Variants in CLVS1 observed in about 807,000 individuals in gnomAD.
CLVS1 encodes the protein clavesin 1, also known as clavesin-1.
In CLVS1, 10 loss-of-function variants were observed where a neutral mutation model predicts 33.1. The observed-to-expected ratio is 0.30, with a 90% CI of 0.19 to 0.51. The LOEUF (loss-of-function observed/expected upper bound fraction) is 0.51, where lower values mean the gene tolerates loss of function less well. Among genes scored for constraint, CLVS1 ranks in the 20% least tolerant of loss-of-function variants. CLVS1 has a pLI of 0.97. For synonymous variants in CLVS1, 163 were observed against 166.1 expected (o/e 0.98, Z 0.14); for missense variants, 343 against 433.4 (o/e 0.79, Z 1.85).
At chr8:61,035,776 G>A in the CLVS1 span, among the ~76,000 whole-genome samples, 1 of 152,126 alleles carries the variant, frequency 6.6e-6, no homozygotes, top group Non-Finnish European at 1.5e-5. Context: ...AAGTGCTAGT[G>A]AATGTAAATC....
chr8:61,171,762 A>T (rs1022955117), intron 2 of CLVS1, among the ~76,000 whole-genome samples: 2 of 152,228 alleles, frequency 1.3e-5, no homozygotes, highest in Non-Finnish European at 2.9e-5. Context: ...AGCTAAGTAT[A>T]TCCACATTAA....
intron 1 of CLVS1, among the ~76,000 whole-genome samples, chr8:61,293,844 T>C (rs1810089668): frequency 6.6e-6 from 1 of 152,122 alleles, no homozygotes; most frequent in African/African-American, 2.4e-5. Context: ...ATCCTTTTCT[T>C]ATGAAAGAAA....
At chr8:61,400,588 A>G (rs1250387655) in intron 3 of CLVS1, among the ~76,000 whole-genome samples, 4 of 152,172 alleles carry the variant, frequency 2.6e-5, no homozygotes, top group Admixed American at 6.5e-5. Flanking sequence ...GAGTGATGAG[A>G]GAGTGCATCC....
At chr8:61,166,843 G>A (rs1012540797) in intron 2 of CLVS1, among the ~76,000 whole-genome samples, 11 of 149,672 alleles carry the variant, frequency 7.3e-5, no homozygotes, top group African/African-American at 1.5e-4. Context: ...GTCAAAAGTC[G>A]CCTAATTAAA....
At chr8:61,083,950 A>C (rs1421817542) in intron 1 of CLVS1, among the ~76,000 whole-genome samples, 1 of 152,320 alleles carries the variant, frequency 6.6e-6, no homozygotes, top group South Asian at 2.1e-4. Flanking sequence ...TAATGATAAA[A>C]ATAACATCTT....
intron 3 of CLVS1, among the ~76,000 whole-genome samples, chr8:61,390,709 A>G (rs1269827770): frequency 6.6e-6 from 1 of 152,026 alleles, no homozygotes; most frequent in Non-Finnish European, 1.5e-5. Flanking sequence ...ATTGCCTGTT[A>G]ATGTACTTTA....
the CLVS1 span, among the ~76,000 whole-genome samples, chr8:60,988,685 T>A: frequency 6.6e-6 from 1 of 152,186 alleles, no homozygotes; most frequent in Admixed American, 6.5e-5. Flanking sequence ...TCCAACTACT[T>A]AAGAAGGAAT....
At chr8:61,474,727 C>A (rs1817850039) in intron 5 of CLVS1, among the ~76,000 whole-genome samples, 2 of 152,320 alleles carry the variant, frequency 1.3e-5, no homozygotes, top group East Asian at 1.9e-4. Flanking sequence ...AATCAGGCAC[C>A]TGTGCATGTG....
intron 2 of CLVS1, among the ~76,000 whole-genome samples, chr8:61,192,499 G>A (rs1807508819): frequency 6.6e-6 from 1 of 152,148 alleles, no homozygotes; most frequent in Non-Finnish European, 1.5e-5. Flanking sequence ...AAAAGCAATG[G>A]CAACAAAAGC....
chr8:61,095,086 TTAAG>T (rs1184655635), intron 1 of CLVS1, among the ~76,000 whole-genome samples: 4 of 152,358 alleles, frequency 2.6e-5, no homozygotes, highest in Admixed American at 1.3e-4. Context: ...TAAATACTGA[TTAAG>T]TCTCTATCTC....
chr8:61,052,983 T>C (rs1245427040), upstream of CLVS1, among the ~76,000 whole-genome samples: 1 of 152,182 alleles, frequency 6.6e-6, no homozygotes, highest in Non-Finnish European at 1.5e-5. Flanking sequence ...GGACTCTAGA[T>C]GTAAACGTGG....
intron 1 of CLVS1, among the ~76,000 whole-genome samples, chr8:61,097,928 A>G (rs552665972): frequency 3.3e-5 from 5 of 152,180 alleles, no homozygotes; most frequent in Non-Finnish European, 5.9e-5. Context: ...TTCTTCCAGA[A>G]AGGCTATTTT....
chr8:61,033,718 G>A, the CLVS1 span, among the ~76,000 whole-genome samples: 1 of 152,184 alleles, frequency 6.6e-6, no homozygotes, highest in South Asian at 2.1e-4. Context: ...GCCTTTAGAG[G>A]GGTCTGTGTC....
chr8:60,992,613 G>C, the CLVS1 span, among the ~76,000 whole-genome samples: 1 of 152,202 alleles, frequency 6.6e-6, no homozygotes, highest in Non-Finnish European at 1.5e-5. Context: ...CTAGGATAGG[G>C]GTTCTTAGAG....
At chr8:61,031,893 C>T in the CLVS1 span, among the ~76,000 whole-genome samples, 2,363 of 152,096 alleles carry the variant, frequency 0.016, 31 homozygotes, top group Non-Finnish European at 0.024. Flanking sequence ...GAAGTTACAA[C>T]ATTAAGATTT....
At chr8:61,066,820 T>C (rs1804690356) in intron 1 of CLVS1, among the ~76,000 whole-genome samples, 1 of 152,238 alleles carries the variant, frequency 6.6e-6, no homozygotes, top group Non-Finnish European at 1.5e-5. Flanking sequence ...ATCTGTGTGT[T>C]GTTCCTGCCA....
rs1484911937 is a variant in CLVS1 at position 61,138,876 on chromosome 8, G to A, written c.-152+7016G>A. On this transcript the variant is annotated intron_variant, in intron 2 of 2. Transcript: ENST00000522621. ...AGGTCTGGCCTTTGTACTACCAGGT[G>A]TTGGCTCGCTCTTTCCCGATTGTAA... Among the ~76,000 whole-genome samples, 5 of 152,236 alleles carry A rather than the reference G, an allele frequency of 3.3e-5. No individual in the cohort carries two copies. In the East Asian group the frequency reaches 9.6e-4, roughly 29 times the overall value.
chr8:61,055,707 T>C (rs1202470811), upstream of CLVS1, among the ~76,000 whole-genome samples: 1 of 152,248 alleles, frequency 6.6e-6, no homozygotes, highest in Non-Finnish European at 1.5e-5. Context: ...GTTGTGTTTT[T>C]AGACTCATGA....
At chr8:61,123,275 AAT>A in intron 1 of CLVS1, among the ~76,000 whole-genome samples, 1 of 119,978 alleles carries the variant, frequency 8.3e-6, no homozygotes. Context: ...GTCTCAAAAT[AAT>A]AATAATAATA....
Sources: gnomAD v4.1 joint callset for allele counts (sites outside exome capture counted in the v4.1 genomes callset) on GRCh38, gnomAD v4.1.1 for gene constraint, MANE v1.5 for transcripts, NCBI Gene and HGNC (gene_info 2026-07-23, HGNC 2026-07-21) for gene names.